PRTFDC1: variants seen among roughly 807,000 people sequenced by gnomAD.
PRTFDC1 encodes the protein phosphoribosyl transferase domain containing 1.
In PRTFDC1, 38 loss-of-function variants were observed where a neutral mutation model predicts 34.6. The ratio of observed to expected loss-of-function variants is 1.10; its 90% CI spans 0.85 to 1.44. The LOEUF (loss-of-function observed/expected upper bound fraction) is 1.44, where lower values mean the gene tolerates loss of function less well. PRTFDC1 is among the 40% of genes most tolerant of loss of function. The pLI is 0.00. For synonymous variants in PRTFDC1, 93 were observed against 98.1 expected (o/e 0.95, Z 0.31); for missense variants, 270 against 283.0 (o/e 0.95, Z 0.33).
intron 4 of PRTFDC1, among the ~76,000 whole-genome samples, chr10:24,860,923 T>G (rs936612084): frequency 1.3e-5 from 2 of 152,224 alleles, no homozygotes; most frequent in African/African-American, 4.8e-5. Context: ...TCACAATCTC[T>G]TTTTGTTTCA....
chr10:24,881,029 CTA>C (rs1848071942), intron 3 of PRTFDC1, among the ~76,000 whole-genome samples: 2 of 129,150 alleles, frequency 1.5e-5, no homozygotes, highest in African/African-American at 6.3e-5. Flanking sequence ...TTCTCTCTCT[CTA>C]TCTCTTTCTT....
intron 3 of PRTFDC1, among the ~76,000 whole-genome samples, chr10:24,930,801 T>C (rs1414888420): frequency 6.6e-6 from 1 of 152,208 alleles, no homozygotes; most frequent in East Asian, 1.9e-4. Context: ...TTAATCAAGT[T>C]TGGAGTTTCC....
chr10:24,918,763 A>T (rs1848735105), intron 3 of PRTFDC1, among the ~76,000 whole-genome samples: 1 of 152,126 alleles, frequency 6.6e-6, no homozygotes, highest in South Asian at 2.1e-4. Context: ...AGATAATATA[A>T]CTTCAAATCT....
chr10:24,920,914 A>G (rs1848778128), intron 3 of PRTFDC1, among the ~76,000 whole-genome samples: 1 of 152,180 alleles, frequency 6.6e-6, no homozygotes. Context: ...TAAAATTACT[A>G]ACAATTCTGT....
intron 3 of PRTFDC1, among the ~76,000 whole-genome samples, chr10:24,890,242 A>C (rs1434947280): frequency 1.3e-5 from 2 of 152,218 alleles, no homozygotes; most frequent in African/African-American, 4.8e-5. Context: ...CGATATCAGA[A>C]GCTACTATTG....
At chr10:24,885,964 T>A (rs1333616619) in intron 3 of PRTFDC1, among the ~76,000 whole-genome samples, 1 of 152,114 alleles carries the variant, frequency 6.6e-6, no homozygotes, top group African/African-American at 2.4e-5. Context: ...AGTAAAAAGA[T>A]CAGTGGTCAA....
chr10:24,879,312 A>G (rs897649233), intron 3 of PRTFDC1, among the ~76,000 whole-genome samples: 2 of 152,028 alleles, frequency 1.3e-5, no homozygotes, highest in Admixed American at 1.3e-4. Flanking sequence ...TGCTTCCACC[A>G]GAGCTGTTCT....
chr10:24,895,688 G>GATATGT (rs1555048845), intron 3 of PRTFDC1, among the ~76,000 whole-genome samples: 1 of 47,382 alleles, frequency 2.1e-5, no homozygotes, highest in African/African-American at 7.1e-5. Context: ...AGCTGGGGTG[G>GATATGT]ATATATATAT....
At position 24,952,554 on chromosome 10, in the gene PRTFDC1, C is replaced by T. The variant is rs1035593862; in HGVS notation, c.22G>A (p.Ala8Thr). 6.3e-7 allele frequency: 1 copy of T among 1,592,254 alleles called. No individual in the cohort carries two copies. Among genetic ancestry groups the T allele is most frequent in the Non-Finnish European group, 8.6e-7 (1 of 1,169,310 alleles). MAGSSEE[A>T]PDYGRGVVIM... is the part of the protein sequence containing the mutation. ...ACGACGCCTCGCCCGTAGTCTGGCGCCTCCTCGCTGCTCCCGGCCATGTTT... is the reference window on the plus strand; with the variant it reads ...ACGACGCCTCGCCCGTAGTCTGGCGTCTCCTCGCTGCTCCCGGCCATGTTT... Residue 8 changes from alanine to threonine, a missense_variant, in exon 1 of 9, where the codon GCG becomes ACG. Coordinates refer to ENST00000320152, the MANE Select transcript of PRTFDC1 (RefSeq NM_020200.7). This position sits in a 1 kb window ranked among gnomAD's most constrained non-coding sequence, Gnocchi z 5.1.
chr10:24,885,127 A>G (rs1003508843), intron 3 of PRTFDC1, among the ~76,000 whole-genome samples: 1 of 152,354 alleles, frequency 6.6e-6, no homozygotes, highest in Middle Eastern at 3.4e-3. Flanking sequence ...GGCCATGAAC[A>G]AAGCTATCAA....
intron 3 of PRTFDC1, among the ~76,000 whole-genome samples, chr10:24,917,375 G>A (rs1053970708): frequency 6.6e-6 from 1 of 152,138 alleles, no homozygotes; most frequent in Non-Finnish European, 1.5e-5. Context: ...GTCTGTTGCA[G>A]TACACATTTT....
At chr10:24,935,073 A>C (rs1239156634) in intron 3 of PRTFDC1, among the ~76,000 whole-genome samples, 1 of 152,214 alleles carries the variant, frequency 6.6e-6, no homozygotes, top group Non-Finnish European at 1.5e-5. Context: ...TGTGAAGGAC[A>C]CAAGGACATT....
chr10:24,892,676 A>G (rs2132540802), intron 3 of PRTFDC1, among the ~76,000 whole-genome samples: 1 of 152,234 alleles, frequency 6.6e-6, no homozygotes, highest in South Asian at 2.1e-4. Context: ...TCAACAATTC[A>G]AATTTAGTAA....
chr10:24,870,795 C>T (rs968487607), intron 4 of PRTFDC1, among the ~76,000 whole-genome samples: 1 of 152,034 alleles, frequency 6.6e-6, no homozygotes, highest in Admixed American at 6.6e-5. Context: ...GGGAAGTGCA[C>T]TGTTTTGTAG....
intron 3 of PRTFDC1, among the ~76,000 whole-genome samples, chr10:24,900,311 T>G (rs1259746720): frequency 6.6e-6 from 1 of 152,260 alleles, no homozygotes; most frequent in Non-Finnish European, 1.5e-5. Context: ...TCCCAGTGTC[T>G]TAGCTCTGGG....
chr10:24,893,508 A>G (rs1848299675), intron 3 of PRTFDC1, among the ~76,000 whole-genome samples: 1 of 152,070 alleles, frequency 6.6e-6, no homozygotes. Flanking sequence ...ACAGGTCTCA[A>G]TAGGTTGCCC....
At chr10:24,870,314 G>T (rs1847851056) in intron 4 of PRTFDC1, among the ~76,000 whole-genome samples, 1 of 152,070 alleles carries the variant, frequency 6.6e-6, no homozygotes, top group South Asian at 2.1e-4. Flanking sequence ...TGCTATGTTG[G>T]CCTGGCAGGT....
chr10:24,905,317 A>AT lies in PRTFDC1; in HGVS notation c.339+31866dup, dbSNP rs59569885. ...AACATAGTGAAACCCTGTCTCAAGA[A>AT]TTTTTTTTTTTTTTTTTTTTTTTTT... On this transcript the variant is annotated intron_variant, in intron 3 of 8. Coordinates refer to ENST00000320152, the MANE Select transcript of PRTFDC1 (RefSeq NM_020200.7). Among the ~76,000 whole-genome samples the AT allele has an allele frequency of 1.5e-4, 13 of 87,278 alleles. 1 individual carries two copies. Among genetic ancestry groups the AT allele is most frequent in the Admixed American group, 8.8e-4 (7 of 7,922 alleles). The allele number at this position is 87,278 out of a possible 152,430, so 57.3% of individuals were successfully genotyped here. A position where few individuals can be genotyped will look rare whatever the true frequency, so the allele number is the denominator to read the frequency against.
At chr10:24,912,688 C>G (rs1848643629) in intron 3 of PRTFDC1, among the ~76,000 whole-genome samples, 1 of 152,078 alleles carries the variant, frequency 6.6e-6, no homozygotes, top group African/African-American at 2.4e-5. Flanking sequence ...ATCAGTCTCC[C>G]AAACTTTGAA....
Sources: gnomAD v4.1 joint callset for allele counts (sites outside exome capture counted in the v4.1 genomes callset) on GRCh38, gnomAD v4.1.1 for gene constraint, Gnocchi (gnomAD v3.1) non-coding constraint, MANE v1.5 for transcripts, NCBI Gene and HGNC (gene_info 2026-07-23, HGNC 2026-07-21) for gene names.